The following RAB6A variants were observed in gnomAD, a reference collection of about 807,000 sequenced individuals.
RAB6A encodes RAB6A, member RAS oncogene family.
A neutral mutation model predicts 32.3 loss-of-function variants in RAB6A; 8 were observed. The ratio of observed to expected loss-of-function variants is 0.25; its 90% confidence interval spans 0.15 to 0.45. The LOEUF is 0.45. RAB6A is among the 20% of genes least tolerant of loss of function. The pLI is 1.00. For synonymous variants in RAB6A, 73 were observed against 82.1 expected (o/e 0.89, Z 0.60); for missense variants, 104 against 249.4 (o/e 0.42, Z 3.93).
At chr11:73,679,033 T>C (rs1945313847) in intron 7 of RAB6A, among the ~76,000 whole-genome samples, 1 of 152,170 alleles carries the variant, frequency 6.6e-6, no homozygotes, top group Non-Finnish European at 1.5e-5. Flanking sequence ...GCCTGTTTTA[T>C]GTTTTTTATG....
intron 6 of RAB6A, among the ~76,000 whole-genome samples, chr11:73,695,213 C>T (rs534717006): frequency 6.6e-6 from 1 of 152,042 alleles, no homozygotes; most frequent in East Asian, 1.9e-4. Context: ...CAAATTCAAA[C>T]TTACTTCTTG....
At chr11:73,730,847 T>C (rs201620162) in intron 1 of RAB6A, 24 bp from the exon 2 acceptor site, 2 of 1,584,788 alleles carry the variant, frequency 1.3e-6, no homozygotes, top group Non-Finnish European at 1.7e-6. Context: ...AAAAAAAGAT[T>C]TGCTCAGTGA....
chr11:73,753,898 C>A (rs1030995269), intron 1 of RAB6A, among the ~76,000 whole-genome samples: 4 of 152,076 alleles, frequency 2.6e-5, no homozygotes, highest in African/African-American at 9.7e-5. Context: ...AACGTAAATT[C>A]CTTAAAAGTA....
chr11:73,689,485 T>C (rs903957604), intron 6 of RAB6A, among the ~76,000 whole-genome samples: 15 of 152,342 alleles, frequency 9.8e-5, no homozygotes, highest in African/African-American at 2.4e-4. Flanking sequence ...CGGACCAGTA[T>C]TGGGCTGTGG....
intron 6 of RAB6A, among the ~76,000 whole-genome samples, chr11:73,707,143 G>T (rs977240193): frequency 3.9e-4 from 45 of 116,406 alleles, no homozygotes; most frequent in Admixed American, 2.5e-3. Context: ...AAAAAAAAAA[G>T]AAAAGAAAAT....
At chr11:73,734,196 G>A (rs1243377935) in intron 1 of RAB6A, among the ~76,000 whole-genome samples, 1 of 152,152 alleles carries the variant, frequency 6.6e-6, no homozygotes, top group Non-Finnish European at 1.5e-5. Flanking sequence ...CACGATATCA[G>A]CTCACTGCAA....
At chr11:73,706,407 G>A (rs1041472492) in intron 6 of RAB6A, among the ~76,000 whole-genome samples, 9 of 151,934 alleles carry the variant, frequency 5.9e-5, no homozygotes, top group Admixed American at 3.3e-4. Flanking sequence ...CCAGCTACTC[G>A]GGAGGCTGAG....
intron 1 of RAB6A, among the ~76,000 whole-genome samples, chr11:73,758,206 A>C (rs190526466): frequency 3.2e-4 from 49 of 152,354 alleles, no homozygotes; most frequent in Admixed American, 1.7e-3. Context: ...TGTCAAAGCT[A>C]ATGAATGGCA....
In RAB6A at chr11:73,684,924, G is replaced by C. The variant is rs187320848; in HGVS notation, c.496-5204C>G. 4.3e-4 allele frequency among the ~76,000 whole-genome samples: 65 copies of C among 152,252 alleles called. 1 individual carries two copies. Among genetic ancestry groups the C allele is most frequent in the Non-Finnish European group, 2.6e-4 (18 of 68,028 alleles). On this transcript the variant is annotated intron_variant, in intron 6 of 7. Transcript: ENST00000336083. ...GAAAGACCTTCCCTCACATCCTGTG[G>C]GTAAAGGAAGCCACTAAAAATAGTA... is the stretch of plus-strand genomic sequence containing the variant.
chr11:73,757,100 T>TACATATATATATATATATATAC (rs1211278255), intron 1 of RAB6A, among the ~76,000 whole-genome samples: 1 of 28,580 alleles, frequency 3.5e-5, no homozygotes, highest in African/African-American at 1.5e-4. Flanking sequence ...TATACATACA[T>TACATATATATATATATATATAC]ATATATATAT....
At chr11:73,719,116 C>T (rs1242767888) in intron 3 of RAB6A, among the ~76,000 whole-genome samples, 1 of 151,994 alleles carries the variant, frequency 6.6e-6, no homozygotes, top group Non-Finnish European at 1.5e-5. Flanking sequence ...TGGAAAATGC[C>T]ACTGGGAAAA....
chr11:73,704,850 G>T (rs1341140397), intron 6 of RAB6A, among the ~76,000 whole-genome samples: 2 of 151,486 alleles, frequency 1.3e-5, no homozygotes, highest in African/African-American at 4.9e-5. Flanking sequence ...CAAAAAATTA[G>T]CCAGGCGTGG....
At chr11:73,685,315 G>T in intron 6 of RAB6A, among the ~76,000 whole-genome samples, 1 of 139,728 alleles carries the variant, frequency 7.2e-6, no homozygotes, top group African/African-American at 2.7e-5. Flanking sequence ...TTGAGACGGA[G>T]TCTCGCTCTG....
intron 1 of RAB6A, among the ~76,000 whole-genome samples, chr11:73,735,134 T>A (rs1488834552): frequency 6.6e-6 from 1 of 152,194 alleles, no homozygotes; most frequent in Non-Finnish European, 1.5e-5. Flanking sequence ...ATTCCTAAAA[T>A]CACACCATCT....
chr11:73,760,310 GGCA>G (rs1467080719), intron 1 of RAB6A, among the ~76,000 whole-genome samples: 1 of 152,136 alleles, frequency 6.6e-6, no homozygotes, highest in Non-Finnish European at 1.5e-5. Context: ...GGGGAGGGAG[GGCA>G]GATCGACCGG....
intron 6 of RAB6A, among the ~76,000 whole-genome samples, chr11:73,705,784 G>C (rs1184401529): frequency 6.6e-6 from 1 of 151,500 alleles, no homozygotes; most frequent in Non-Finnish European, 1.5e-5. Flanking sequence ...GAGAGAGAGA[G>C]AGAGAGAGAG....
intron 3 of RAB6A, among the ~76,000 whole-genome samples, chr11:73,719,453 T>C (rs986452753): frequency 2.0e-5 from 3 of 152,148 alleles, no homozygotes; most frequent in Non-Finnish European, 4.4e-5. Context: ...CGCGCACGCA[T>C]GCACGCGTGT....
At chr11:73,703,904 C>T (rs1304259716) in intron 6 of RAB6A, among the ~76,000 whole-genome samples, 3 of 151,826 alleles carry the variant, frequency 2.0e-5, no homozygotes, top group Non-Finnish European at 2.9e-5. Context: ...GTGGCATGCG[C>T]CTGTAGTCCC....
chr11:73,688,206 A>G (rs1237469005), intron 6 of RAB6A, among the ~76,000 whole-genome samples: 20 of 152,212 alleles, frequency 1.3e-4, no homozygotes. Flanking sequence ...TAAGGTTTTA[A>G]TACCAATTGG....
Sources: allele counts gnomAD v4.1 joint callset (sites outside exome capture counted in the v4.1 genomes callset), GRCh38; gene constraint gnomAD v4.1.1; transcripts MANE v1.5; gene names NCBI Gene and HGNC (gene_info 2026-07-23, HGNC 2026-07-21).